GALNT10: variants seen among roughly 807,000 people sequenced by gnomAD.
GALNT10 encodes GalNAc transferase 10.
A neutral mutation model predicts 75.0 loss-of-function variants in GALNT10; 41 were observed. That is an observed-to-expected ratio of 0.55 (90% CI 0.43 to 0.71). The LOEUF (loss-of-function observed/expected upper bound fraction) is 0.71, where lower values mean the gene tolerates loss of function less well. GALNT10 is among the 30% of genes least tolerant of loss of function. The probability of loss-of-function intolerance (pLI) is 0.00; values close to 1 mark genes in which losing one functional copy is unlikely to be tolerated. For synonymous variants in GALNT10, 302 were observed against 313.0 expected, an observed-to-expected ratio of 0.96 and a Z score of 0.37; for missense variants, 727 against 818.5, an observed-to-expected ratio of 0.89 and a Z score of 1.36.
At chr5:154,364,978 G>A (rs561679318) in intron 4 of GALNT10, among the ~76,000 whole-genome samples, 78 of 152,284 alleles carry the variant, frequency 5.1e-4, no homozygotes, top group African/African-American at 1.8e-3. Context: ...GTGGTTTCTG[G>A]AGTGTTTTTA....
chr5:154,394,264 A>G (rs1437142181), intron 7 of GALNT10, among the ~76,000 whole-genome samples: 1 of 149,266 alleles, frequency 6.7e-6, no homozygotes, highest in Non-Finnish European at 1.5e-5. Context: ...GCTTTGTGTG[A>G]TACTGATATG....
intron 4 of GALNT10, among the ~76,000 whole-genome samples, chr5:154,354,721 G>C (rs1755261760): frequency 6.6e-6 from 1 of 152,148 alleles, no homozygotes; most frequent in South Asian, 2.1e-4. Flanking sequence ...GGACATTACA[G>C]AAGGCACACA....
chr5:154,253,900 C>A (rs937594500), intron 1 of GALNT10, among the ~76,000 whole-genome samples: 1 of 152,044 alleles, frequency 6.6e-6, no homozygotes, highest in African/African-American at 2.4e-5. Flanking sequence ...TTGATCCGCC[C>A]TAGAAGATCA....
At chr5:154,218,072 C>T (rs965886812) in intron 1 of GALNT10, 11 of 984,830 alleles carry the variant, frequency 1.1e-5, no homozygotes, top group Middle Eastern at 5.2e-4. Context: ...TCGACTGAGA[C>T]CAGGATTATT....
intron 10 of GALNT10, among the ~76,000 whole-genome samples, chr5:154,415,466 G>A (rs748341337): frequency 2.6e-5 from 4 of 152,060 alleles, no homozygotes; most frequent in Non-Finnish European, 5.9e-5. Context: ...AGCCTCCCGA[G>A]TAGGTGGAAT....
intron 1 of GALNT10, among the ~76,000 whole-genome samples, chr5:154,270,787 C>T (rs2113036606): frequency 6.6e-6 from 1 of 152,042 alleles, no homozygotes; most frequent in East Asian, 1.9e-4. Context: ...TGAGGTCAGG[C>T]ATTCAAGAGG....
At chr5:154,249,764 G>A (rs1015689142) in intron 1 of GALNT10, among the ~76,000 whole-genome samples, 10 of 152,244 alleles carry the variant, frequency 6.6e-5, no homozygotes, top group Middle Eastern at 3.4e-3. Flanking sequence ...TAGCCTACAG[G>A]GCTGCCCTTT....
chr5:154,321,139 A>G (rs182793141), intron 3 of GALNT10, among the ~76,000 whole-genome samples: 6 of 152,214 alleles, frequency 3.9e-5, no homozygotes, highest in Non-Finnish European at 8.8e-5. Flanking sequence ...TCACATCTCT[A>G]TCTAACCCTC....
chr5:154,330,787 G>A (rs565332578), intron 4 of GALNT10, among the ~76,000 whole-genome samples: 2 of 152,210 alleles, frequency 1.3e-5, no homozygotes, highest in East Asian at 1.9e-4. Flanking sequence ...GGGAGTATGC[G>A]TGCACTCCAG....
rs372444896 is a variant in GALNT10, at chr5:154,370,935, A to G, written c.569-5342A>G. On this transcript the variant is annotated intron_variant, in intron 4 of 11. Transcript: ENST00000297107. ...GCTGTATTCCTGCCATGTCACTGTCACAGTGCCAGTGTGTGAGAATCTTAC... is the reference window on the plus strand; with the variant it reads ...GCTGTATTCCTGCCATGTCACTGTCGCAGTGCCAGTGTGTGAGAATCTTAC... Among the ~76,000 whole-genome samples, 21 of 152,294 alleles carry G rather than the reference A, an allele frequency of 1.4e-4. No individual in the cohort carries two copies. In the East Asian group the frequency reaches 2.9e-3, roughly 21 times the overall value.
At chr5:154,328,716 C>T (rs1754797060) in intron 3 of GALNT10, among the ~76,000 whole-genome samples, 7 of 152,232 alleles carry the variant, frequency 4.6e-5, no homozygotes, top group Admixed American at 4.6e-4. Context: ...TTGGGTAATT[C>T]TGACCAGCCG....
chr5:154,226,003 G>A (rs1332144198), intron 1 of GALNT10, among the ~76,000 whole-genome samples: 1 of 152,052 alleles, frequency 6.6e-6, no homozygotes, highest in African/African-American at 2.4e-5. Flanking sequence ...GAAGGGGGGA[G>A]GGATAGCATT....
intron 1 of GALNT10, among the ~76,000 whole-genome samples, chr5:154,262,912 G>T (rs979288298): frequency 7.9e-5 from 12 of 151,988 alleles, no homozygotes; most frequent in African/African-American, 2.4e-4. Flanking sequence ...AAAGACACAT[G>T]GTAACTAGAT....
chr5:154,224,778 C>CTTTTTTTTTTTTT (rs549615789), intron 1 of GALNT10, among the ~76,000 whole-genome samples: 1 of 117,586 alleles, frequency 8.5e-6, no homozygotes, highest in African/African-American at 3.1e-5. Context: ...AAGCTCACTT[C>CTTTTTTTTTTTTT]TTTTTTTTTT....
chr5:154,215,698 G>A (rs543396146), intron 1 of GALNT10, among the ~76,000 whole-genome samples: 1 of 152,148 alleles, frequency 6.6e-6, no homozygotes, highest in Non-Finnish European at 1.5e-5. Flanking sequence ...GAATAAACAT[G>A]CCACAGCATG....
At chr5:154,214,843 G>C (rs1434600274) in intron 1 of GALNT10, among the ~76,000 whole-genome samples, 3 of 152,196 alleles carry the variant, frequency 2.0e-5, no homozygotes, top group African/African-American at 7.2e-5. Flanking sequence ...AGAGCTGTCA[G>C]CAATTACTGC....
At chr5:154,191,447 C>A (rs1467181796) in intron 1 of GALNT10, among the ~76,000 whole-genome samples, 3 of 36,634 alleles carry the variant, frequency 8.2e-5, no homozygotes, top group Admixed American at 2.1e-4. Context: ...CCCCCCCCCC[C>A]CACAACCCCT....
At chr5:154,263,452 C>T (rs368768232) in intron 1 of GALNT10, among the ~76,000 whole-genome samples, 18 of 152,158 alleles carry the variant, frequency 1.2e-4, no homozygotes, top group African/African-American at 4.1e-4. Context: ...TAGGCAAATC[C>T]CTGGAGATGG....
At chr5:154,403,773 G>A (rs927470965) in intron 7 of GALNT10, 5 of 356,320 alleles carry the variant, frequency 1.4e-5, no homozygotes, top group South Asian at 2.5e-5. Flanking sequence ...TCTGTGACCT[G>A]AGTCACATTT....
Sources: allele counts gnomAD v4.1 joint callset (sites outside exome capture counted in the v4.1 genomes callset), GRCh38; gene constraint gnomAD v4.1.1; transcripts MANE v1.5; gene names NCBI Gene and HGNC (gene_info 2026-07-23, HGNC 2026-07-21).